The following ASCC3 variants were observed in gnomAD, a reference collection of about 807,000 sequenced individuals.
ASCC3 encodes ASC-1 complex subunit P200.
Under a neutral mutation model 256.3 loss-of-function variants are expected in ASCC3, and 158 were observed. The ratio of observed to expected loss-of-function variants is 0.62; its 90% confidence interval spans 0.54 to 0.70. The LOEUF is 0.70. Ranked by LOEUF, ASCC3 falls within the 30% of genes least tolerant of loss-of-function variation. ASCC3 has a pLI of 0.00. For missense variants in ASCC3, 2,259 were observed against 2,626.0 expected (o/e 0.86, Z 3.05); for synonymous variants, 948 against 883.4 (o/e 1.07, Z -1.30).
At chr6:100,818,093 C>G (rs1164821243) in intron 4 of ASCC3, among the ~76,000 whole-genome samples, 2 of 152,078 alleles carry the variant, frequency 1.3e-5, no homozygotes, top group Non-Finnish European at 1.5e-5. Flanking sequence ...GTTGGTTCGG[C>G]ATTAGAAAAC....
chr6:100,513,188 AT>A (rs1294584128), intron 39 of ASCC3, among the ~76,000 whole-genome samples: 1 of 152,034 alleles, frequency 6.6e-6, no homozygotes, highest in Non-Finnish European at 1.5e-5. Flanking sequence ...GATTTCCCCA[AT>A]TTTTCTTGTA....
chr6:100,544,749 T>C (rs930002093), intron 36 of ASCC3, among the ~76,000 whole-genome samples: 6 of 152,092 alleles, frequency 3.9e-5, no homozygotes, highest in Non-Finnish European at 8.8e-5. Context: ...AAGAAAGAAT[T>C]AAAACCAATT....
chr6:100,812,738 T>C (rs923292067), intron 4 of ASCC3, among the ~76,000 whole-genome samples: 1 of 152,144 alleles, frequency 6.6e-6, no homozygotes, highest in Admixed American at 6.6e-5. Context: ...GAGACCAGCC[T>C]GGGCAACATA....
chr6:100,563,030 T>G (rs1296209384), intron 36 of ASCC3, among the ~76,000 whole-genome samples: 1 of 152,058 alleles, frequency 6.6e-6, no homozygotes, highest in East Asian at 1.9e-4. Flanking sequence ...AAAGATGAAT[T>G]TCTTCTTTTG....
At chr6:100,673,093 T>C (rs1306394831) in intron 14 of ASCC3, among the ~76,000 whole-genome samples, 1 of 152,084 alleles carries the variant, frequency 6.6e-6, no homozygotes, top group Non-Finnish European at 1.5e-5. Flanking sequence ...ATTTGCTCTG[T>C]TTCATGTCAT....
chr6:100,868,013 T>C lies in ASCC3; in HGVS notation c.-16A>G. On this transcript the variant is annotated 5_prime_UTR_variant, in exon 2 of 42. Transcript: ENST00000369162. ...GTAAAGCCATCTATTATTCAATCAG[T>C]GATCCATACAGCAAGAAACCTGAAA... 2 of 1,586,946 alleles carry C rather than the reference T, an allele frequency of 1.3e-6. No individual in the cohort carries two copies. The highest frequency in any genetic ancestry group is 1.7e-6 in the Non-Finnish European group (2 of 1,155,706).
At chr6:100,713,615 C>T (rs888103408) in intron 13 of ASCC3, among the ~76,000 whole-genome samples, 1 of 152,072 alleles carries the variant, frequency 6.6e-6, no homozygotes, top group Non-Finnish European at 1.5e-5. Flanking sequence ...CAAATTATCC[C>T]TCTGGTACTG....
chr6:100,713,192 A>C (rs756429198), intron 13 of ASCC3, among the ~76,000 whole-genome samples: 1 of 152,192 alleles, frequency 6.6e-6, no homozygotes, highest in African/African-American at 2.4e-5. Context: ...TGGCAGGTGA[A>C]TAGATAAACA....
chr6:100,528,938 T>C (rs965472731), intron 37 of ASCC3, among the ~76,000 whole-genome samples: 2 of 152,192 alleles, frequency 1.3e-5, no homozygotes, highest in Admixed American at 6.6e-5. Context: ...TTTGGGGGAA[T>C]TGGTAGTTCC....
intron 13 of ASCC3, among the ~76,000 whole-genome samples, chr6:100,684,241 C>A (rs1017931336): frequency 6.6e-6 from 1 of 152,008 alleles, no homozygotes; most frequent in African/African-American, 2.4e-5. Flanking sequence ...TTCTTATTTC[C>A]CCCAGAACAC....
intron 14 of ASCC3, among the ~76,000 whole-genome samples, chr6:100,664,864 G>A (rs1331116032): frequency 6.6e-6 from 1 of 152,132 alleles, no homozygotes; most frequent in South Asian, 2.1e-4. Context: ...GCCAACAGAG[G>A]AAACTAAAAC....
intron 14 of ASCC3, among the ~76,000 whole-genome samples, chr6:100,668,820 T>C (rs952571114): frequency 3.9e-5 from 6 of 151,902 alleles, no homozygotes; most frequent in Admixed American, 6.6e-5. Context: ...TGTGCAGACA[T>C]TGAATTTTGA....
chr6:100,768,224 T>C (rs1277158094), intron 8 of ASCC3, among the ~76,000 whole-genome samples: 2 of 152,142 alleles, frequency 1.3e-5, no homozygotes, highest in African/African-American at 2.4e-5. Flanking sequence ...GTGTAGAATA[T>C]ACGATATTAT....
chr6:100,814,619 G>T (rs1004203337), intron 4 of ASCC3, among the ~76,000 whole-genome samples: 3 of 152,036 alleles, frequency 2.0e-5, no homozygotes, highest in African/African-American at 7.2e-5. Flanking sequence ...GAATTTCAAA[G>T]CTCATTATTG....
At position 100,627,705 on chromosome 6, in the gene ASCC3, G is replaced by A; in HGVS notation, c.4527C>T (p.Gly1509=). 2.5e-6 allele frequency: 4 copies of A among 1,613,450 alleles called. No individual in the cohort carries two copies. The South Asian group carries it at 4.4e-5, about 18-fold the overall frequency. The change falls in exon 29 of 42, where the codon GGC becomes GGT. Residue 1509 remains glycine, a synonymous_variant. Transcript: ENST00000369162. ...GTACTGATGGTCGGAAGTTAAACAA[G>A]CCCATCTAGAGTAAATATGAGAGAG... ...LADWLNIKQM[G]LFNFRPSVRP...
intron 26 of ASCC3, among the ~76,000 whole-genome samples, chr6:100,630,061 T>C (rs749162131): frequency 3.4e-4 from 51 of 151,962 alleles, no homozygotes; most frequent in Non-Finnish European, 6.8e-4. Flanking sequence ...CAGCTCCTTT[T>C]TTATTTTTAG....
chr6:100,799,040 C>T (rs1454838089), intron 7 of ASCC3, among the ~76,000 whole-genome samples: 1 of 151,990 alleles, frequency 6.6e-6, no homozygotes, highest in Non-Finnish European at 1.5e-5. Context: ...ATTAACATAT[C>T]AGGTATTTTA....
rs747733965 is a variant in ASCC3, at chr6:100,848,510, T to C, written c.439A>G (p.Thr147Ala). 3.7e-6 allele frequency: 6 copies of C among 1,614,130 alleles called. No homozygotes were observed. In the South Asian group the frequency reaches 6.6e-5, roughly 18 times the overall value. The change falls in exon 4 of 42, where the codon ACT becomes GCT. Residue 147 changes from threonine (T) to alanine (A), a missense_variant. This residue lies in a region of ASCC3 where 420 missense variants were observed against 419.3 expected (regional missense o/e 1.00). Coordinates refer to ENST00000369162, the MANE Select transcript of ASCC3 (RefSeq NM_006828.4). ...TTTTCTGTCATCTGCACAAGAGCAG[T>C]AAGATCATCTTGACTAAAATGAGAA... ...IISHFSQDDL[T>A]ALVQMTEKEH...
chr6:100,738,720 A>G (rs1481394414), intron 10 of ASCC3, among the ~76,000 whole-genome samples: 1 of 152,092 alleles, frequency 6.6e-6, no homozygotes. Flanking sequence ...GTTCCACATG[A>G]ATTTTAAAAT....
Sources: gnomAD v4.1 joint callset for allele counts (sites outside exome capture counted in the v4.1 genomes callset) on GRCh38, gnomAD v4.1.1 for gene constraint, gnomAD v4.1.1 regional missense constraint, MANE v1.5 for transcripts, NCBI Gene and HGNC (gene_info 2026-07-23, HGNC 2026-07-21) for gene names.